Variants in LRP1B observed in about 807,000 individuals in gnomAD.
LRP1B encodes the protein low-density lipoprotein receptor-related protein 1B.
LRP1B carries 217 observed loss-of-function variants against 556.6 expected under a neutral mutation model. The observed-to-expected ratio is 0.39, with a 90% CI of 0.35 to 0.44. LRP1B has a LOEUF of 0.44. LRP1B is among the 20% of genes least tolerant of loss of function. The pLI is 1.00. For missense variants in LRP1B, 5,053 were observed against 5,620.8 expected (o/e 0.90, Z 3.23); for synonymous variants, 2,047 against 1,865.8 (o/e 1.10, Z -2.50).
intron 15 of LRP1B, among the ~76,000 whole-genome samples, chr2:141,001,388 G>C (rs1697418401): frequency 6.6e-6 from 1 of 151,876 alleles, no homozygotes; most frequent in Non-Finnish European, 1.5e-5. Flanking sequence ...TGTTACATAT[G>C]TATACAAGTG....
intron 3 of LRP1B, among the ~76,000 whole-genome samples, chr2:141,460,931 A>G (rs1020224098): frequency 2.0e-4 from 30 of 152,024 alleles, no homozygotes; most frequent in African/African-American, 6.8e-4. Context: ...TTGAATTAGA[A>G]CTTGGGTCTG....
intron 35 of LRP1B, among the ~76,000 whole-genome samples, chr2:140,751,309 A>G (rs1332337622): frequency 6.6e-6 from 1 of 152,054 alleles, no homozygotes; most frequent in Non-Finnish European, 1.5e-5. Flanking sequence ...ATAACTTTTT[A>G]GGCATGCATT....
intron 18 of LRP1B, among the ~76,000 whole-genome samples, chr2:140,980,096 C>T (rs1696723412): frequency 6.6e-6 from 1 of 150,964 alleles, no homozygotes; most frequent in African/African-American, 2.4e-5. Flanking sequence ...TGCCCTAGGC[C>T]TATTAAAAAA....
At chr2:141,339,960 G>A (rs1260320556) in intron 3 of LRP1B, among the ~76,000 whole-genome samples, 1 of 151,954 alleles carries the variant, frequency 6.6e-6, no homozygotes, top group African/African-American at 2.4e-5. Context: ...GGAGTCTCCA[G>A]GTGTCTCTCA....
At chr2:140,699,997 T>C (rs890470435) in intron 41 of LRP1B, among the ~76,000 whole-genome samples, 1 of 149,710 alleles carries the variant, frequency 6.7e-6, no homozygotes, top group Admixed American at 6.8e-5. Context: ...ATAAGAAACA[T>C]TATGATAAAA....
At chr2:140,843,084 TG>T (rs1559151640) in intron 29 of LRP1B, among the ~76,000 whole-genome samples, 5 of 21,938 alleles carry the variant, frequency 2.3e-4, no homozygotes, top group Admixed American at 5.1e-4. Context: ...TTTTTTTGTT[TG>T]TTTTTTTTTT....
intron 3 of LRP1B, among the ~76,000 whole-genome samples, chr2:141,271,345 A>C (rs182600363): frequency 4.0e-4 from 61 of 151,884 alleles, no homozygotes; most frequent in African/African-American, 4.3e-4. Flanking sequence ...TTAAAAAAAA[A>C]ACACAAAAAC....
intron 2 of LRP1B, among the ~76,000 whole-genome samples, chr2:141,636,608 G>A (rs1357365447): frequency 1.3e-5 from 2 of 152,034 alleles, no homozygotes; most frequent in African/African-American, 2.4e-5. Context: ...ATCATCACAC[G>A]TAATATCAAC....
chr2:140,232,272 A>G lies in LRP1B; in HGVS notation c.*914T>C, dbSNP rs968080578. 1 of 151,230 alleles carries G rather than the reference A, an allele frequency of 6.6e-6. No homozygotes were observed. The highest frequency in any genetic ancestry group is 6.6e-5 in the Admixed American group (1 of 15,088). The allele number at this position is 151,230 out of a possible 1,614,324, so 9.4% of individuals were successfully genotyped here. A position where few individuals can be genotyped will look rare whatever the true frequency, so the allele number is the denominator to read the frequency against. On this transcript the variant is annotated 3_prime_UTR_variant, in exon 91 of 91. Transcript: ENST00000389484. ...TTCTGTCACCAATTTGTGTGCTTAT[A>G]TATTATTCTTTAGTGTTCAGTGTAG...
chr2:141,386,627 G>T (rs1301163643), intron 3 of LRP1B, among the ~76,000 whole-genome samples: 8 of 151,600 alleles, frequency 5.3e-5, no homozygotes, highest in African/African-American at 1.9e-4. Context: ...GAGAGACAAA[G>T]AAAAATACGA....
chr2:141,347,127 G>C (rs910464808), intron 3 of LRP1B, among the ~76,000 whole-genome samples: 1 of 151,980 alleles, frequency 6.6e-6, no homozygotes, highest in Non-Finnish European at 1.5e-5. Flanking sequence ...TGATAAATAA[G>C]TTTTGTATAA....
intron 3 of LRP1B, among the ~76,000 whole-genome samples, chr2:141,277,958 A>T (rs905970795): frequency 1.3e-5 from 2 of 152,320 alleles, no homozygotes; most frequent in Middle Eastern, 3.4e-3. Context: ...TATTGCAATG[A>T]CACGTAAGAA....
intron 7 of LRP1B, among the ~76,000 whole-genome samples, chr2:141,084,037 T>C (rs990301109): frequency 3.9e-5 from 6 of 152,146 alleles, no homozygotes; most frequent in Admixed American, 1.3e-4. Flanking sequence ...ATCTGCAAAA[T>C]AGAGAAAATA....
At chr2:141,347,436 G>A (rs928946934) in intron 3 of LRP1B, among the ~76,000 whole-genome samples, 1 of 151,534 alleles carries the variant, frequency 6.6e-6, no homozygotes, top group African/African-American at 2.4e-5. Context: ...TTAAAAGTAT[G>A]TGTTAAATTA....
intron 32 of LRP1B, among the ~76,000 whole-genome samples, chr2:140,779,694 CA>C (rs34083447): frequency 0.016 from 1,089 of 66,882 alleles, 14 homozygotes; most frequent in African/African-American, 0.066. Flanking sequence ...GACTCTGTCT[CA>C]AAAAAAAAAA....
chr2:141,241,746 C>T (rs962308778), intron 5 of LRP1B, among the ~76,000 whole-genome samples: 3 of 151,896 alleles, frequency 2.0e-5, no homozygotes, highest in African/African-American at 7.3e-5. Flanking sequence ...CCACAGTGTT[C>T]CTAATTTCAT....
At chr2:140,539,840 C>T (rs918508428) in intron 45 of LRP1B, among the ~76,000 whole-genome samples, 1 of 152,092 alleles carries the variant, frequency 6.6e-6, no homozygotes, top group African/African-American at 2.4e-5. Flanking sequence ...GGAAATTGGC[C>T]ATCTGCATTT....
intron 2 of LRP1B, among the ~76,000 whole-genome samples, chr2:141,741,263 CTTTTT>C (rs11326947): frequency 8.3e-4 from 48 of 57,966 alleles, no homozygotes; most frequent in African/African-American, 3.3e-3. Flanking sequence ...TACTGATTTC[CTTTTT>C]TTTTTTTTTT....
At chr2:140,909,697 A>G (rs1005702383) in intron 21 of LRP1B, among the ~76,000 whole-genome samples, 4 of 151,042 alleles carry the variant, frequency 2.6e-5, no homozygotes, top group Admixed American at 1.3e-4. Flanking sequence ...ATTAGAAAAG[A>G]GTGTCATTAC....
Sources: gnomAD v4.1 joint callset for allele counts (sites outside exome capture counted in the v4.1 genomes callset) on GRCh38, gnomAD v4.1.1 for gene constraint, MANE v1.5 for transcripts, NCBI Gene and HGNC (gene_info 2026-07-23, HGNC 2026-07-21) for gene names.